Variants in CACNA2D4 observed in about 807,000 individuals in gnomAD.
CACNA2D4 encodes voltage-dependent calcium channel subunit alpha-2/delta-4.
Under a neutral mutation model 163.8 loss-of-function variants are expected in CACNA2D4, and 157 were observed. The observed-to-expected ratio is 0.96, with a 90% CI of 0.84 to 1.09. The LOEUF (loss-of-function observed/expected upper bound fraction) is 1.09, where lower values mean the gene tolerates loss of function less well. CACNA2D4 is among the 50% of genes least tolerant of loss of function. The pLI, the probability that CACNA2D4 is intolerant of heterozygous loss-of-function variation, is 0.00. For missense variants in CACNA2D4, 1,410 were observed against 1,479.9 expected (o/e 0.95, Z 0.78); for synonymous variants, 598 against 586.9 (o/e 1.02, Z -0.27).
chr12:1,826,530 C>T (rs1271623621), intron 26 of CACNA2D4, among the ~76,000 whole-genome samples: 3 of 152,074 alleles, frequency 2.0e-5, no homozygotes, highest in Non-Finnish European at 4.4e-5. Flanking sequence ...CGTGGGTCCT[C>T]CTGAAGGCTG....
In CACNA2D4 at chr12:1,810,956, G is replaced by T. The variant is rs1592661863; in HGVS notation, c.2614-369C>A. Among the ~76,000 whole-genome samples the T allele has an allele frequency of 2.0e-5, 3 of 152,334 alleles. No homozygotes were observed. In the South Asian group the frequency reaches 6.2e-4, roughly 32 times the overall value. On this transcript the variant is annotated intron_variant, in intron 27 of 37. Coordinates refer to ENST00000382722, the MANE Select transcript of CACNA2D4 (RefSeq NM_172364.5). ...CCAGGTAGCCCTTCTAGAGGTGCAG[G>T]CTCTGCAGCCCCCAGGCCTCGTTGC...
intron 37 of CACNA2D4, chr12:1,794,922 G>A (rs1038844842): frequency 1.9e-5 from 8 of 423,840 alleles, no homozygotes; most frequent in Non-Finnish European, 2.9e-5. Flanking sequence ...CTCTCATCCT[G>A]TCTAGGGCCC....
In CACNA2D4 at chr12:1,834,185, C is replaced by T. The variant is rs926574857; in HGVS notation, c.2551+6554G>A. Reference sequence around the variant, plus strand: ...GATAAAAACTACCTTCTGGGGCTTCCGTTTTGGGGAGCTGGGGATGGGGAG... The same window carrying T: ...GATAAAAACTACCTTCTGGGGCTTCTGTTTTGGGGAGCTGGGGATGGGGAG... On this transcript the variant is annotated intron_variant, in intron 26 of 37. Coordinates refer to ENST00000382722, the MANE Select transcript of CACNA2D4 (RefSeq NM_172364.5). This position sits in a 1 kb window ranked among gnomAD's most constrained non-coding sequence, Gnocchi z 7.6. 6.1e-6 allele frequency: 9 copies of T among 1,466,792 alleles called. No homozygotes were observed. The highest frequency in any genetic ancestry group is 1.4e-5 in the African/African-American group (1 of 70,706). 90.9% of individuals were successfully genotyped at this position (1,466,792 alleles called of 1,614,324 possible). A position where few individuals can be genotyped will look rare whatever the true frequency, so the allele number is the denominator to read the frequency against.
intron 27 of CACNA2D4, among the ~76,000 whole-genome samples, chr12:1,811,080 C>T (rs1237757098): frequency 6.6e-6 from 1 of 152,198 alleles, no homozygotes; most frequent in Non-Finnish European, 1.5e-5. Flanking sequence ...CCATCCCTCT[C>T]GATTCACTCT....
rs1382282137 is a variant in CACNA2D4, at chr12:1,907,946, G to C, written c.578C>G (p.Ala193Gly). 5 of 1,613,956 alleles carry C rather than the reference G, an allele frequency of 3.1e-6. No homozygotes were observed. Among genetic ancestry groups the C allele is most frequent in the African/African-American group, 1.3e-5 (1 of 74,958 alleles). ...LGAEFLLESN[A>G]HFSNLPVNTS... ...GTTCACCGGCAGGTTGCTGAAGTGA[G>C]CATTGGACTCCAGGAGGAACTCGGC... The change falls in exon 5 of 38, where the codon GCT becomes GGT. Residue 193 changes from alanine to glycine, a missense_variant. By Grantham distance (60) the Ala-to-Gly change is moderately conservative (BLOSUM62 0). Transcript: ENST00000382722.
intron 25 of CACNA2D4, 55 bp from the exon 26 acceptor site, chr12:1,840,874 G>C: frequency 1.4e-6 from 2 of 1,458,442 alleles, no homozygotes. Flanking sequence ...GGGGCAGGTG[G>C]AGCGCTACCA....
rs1274765987 is a variant in CACNA2D4 at position 1,834,068 on chromosome 12, G to A, written c.2551+6671C>T. Reference sequence around the variant, plus strand: ...GCGAGGATGAAATGGCACGATATACGTAACTCACTGTGGACTTGGCTCAAT... The same window carrying A: ...GCGAGGATGAAATGGCACGATATACATAACTCACTGTGGACTTGGCTCAAT... On this transcript the variant is annotated intron_variant, in intron 26 of 37. Coordinates refer to ENST00000382722, the MANE Select transcript of CACNA2D4 (RefSeq NM_172364.5). The surrounding 1 kb of genome is among the most constrained non-coding windows in gnomAD (Gnocchi z 7.6). 6.6e-6 allele frequency among the ~76,000 whole-genome samples: 1 copy of A among 152,208 alleles called. No homozygotes were observed. Among genetic ancestry groups the A allele is most frequent in the African/African-American group, 2.4e-5 (1 of 41,446 alleles).
At position 1,793,787 on chromosome 12, in the gene CACNA2D4, G is replaced by GC. The variant is rs763886088; in HGVS notation, c.3310-29dup. ...GCGAACGCAGAGCAGAGGTGACAGC[G>GC]CGGCGCTCAGAGGAGGACCCTCAAA... On this transcript the variant is annotated intron_variant, in intron 37 of 37. Coordinates refer to ENST00000382722, the MANE Select transcript of CACNA2D4 (RefSeq NM_172364.5). 6 of 1,589,904 alleles carry GC rather than the reference G, an allele frequency of 3.8e-6. No individual in the cohort carries two copies. In the South Asian group the frequency reaches 5.5e-5, roughly 15 times the overall value.
At chr12:1,853,503 C>T (rs898663342) in intron 23 of CACNA2D4, among the ~76,000 whole-genome samples, 1 of 152,044 alleles carries the variant, frequency 6.6e-6, no homozygotes, top group Non-Finnish European at 1.5e-5. Context: ...CCTTACTCTG[C>T]CCCCCAACAC....
intron 6 of CACNA2D4, among the ~76,000 whole-genome samples, chr12:1,895,695 G>A (rs948853374): frequency 1.3e-5 from 2 of 152,228 alleles, no homozygotes; most frequent in South Asian, 4.1e-4. Context: ...GTGCAATGGC[G>A]TGCAAGACTC....
At chr12:1,814,997 C>A (rs1294123166) in intron 26 of CACNA2D4, among the ~76,000 whole-genome samples, 1 of 152,250 alleles carries the variant, frequency 6.6e-6, no homozygotes, top group Non-Finnish European at 1.5e-5. Flanking sequence ...TCAAGTGATT[C>A]TCCTGCCTCG....
chr12:1,846,803 G>A (rs764215900), intron 23 of CACNA2D4, 114 bp from the exon 24 acceptor site: 2 of 832,842 alleles, frequency 2.4e-6, no homozygotes, highest in Non-Finnish European at 3.9e-6. Context: ...GCTCAGGGAA[G>A]ACTTTCCAGG....
At chr12:1,846,721 A>G in intron 23 of CACNA2D4, 32 bp from the exon 24 acceptor site, 1 of 1,549,598 alleles carries the variant, frequency 6.5e-7, no homozygotes, top group South Asian at 1.2e-5. Flanking sequence ...AATGGTCACC[A>G]CATGGCTGTG....
At chr12:1,795,419 G>T in intron 36 of CACNA2D4, 38 bp from the exon 37 acceptor site, 1 of 1,574,986 alleles carries the variant, frequency 6.3e-7, no homozygotes. Flanking sequence ...TCTCAGGACC[G>T]GAGCCCATTC....
chr12:1,821,585 G>A (rs1007915764), intron 26 of CACNA2D4, among the ~76,000 whole-genome samples: 3 of 152,158 alleles, frequency 2.0e-5, no homozygotes, highest in South Asian at 2.1e-4. Context: ...AAATGGGTCA[G>A]GGAGCCTTAG....
intron 26 of CACNA2D4, among the ~76,000 whole-genome samples, chr12:1,817,471 C>T (rs1863914824): frequency 1.3e-5 from 2 of 151,974 alleles, no homozygotes; most frequent in Non-Finnish European, 1.5e-5. Flanking sequence ...ACTCCCTCTC[C>T]CCTCTCCCCT....
chr12:1,851,159 A>G (rs796358991), intron 23 of CACNA2D4, among the ~76,000 whole-genome samples: 75 of 152,024 alleles, frequency 4.9e-4, no homozygotes, highest in African/African-American at 1.7e-3. Context: ...CTGGGACTAC[A>G]GGCACGAGCC....
Position 1,885,049 on chromosome 12 carries a change from T to C in CACNA2D4, c.1096A>G (p.Met366Val). ...TCCACGACCCCCACACCTTTGACCA[T>C]CAACTCCTCCACCAGCAGTTTGAAA... ...EHFKLLVEEL[M>V]VKGVGVVDQA... Residue 366 changes from methionine (M) to valine (V), a missense_variant, in exon 10 of 38, where the codon ATG (methionine) becomes GTG (valine). By Grantham distance (21) the Met-to-Val change is conservative. Coordinates refer to ENST00000382722, the MANE Select transcript of CACNA2D4 (RefSeq NM_172364.5). The C allele has an allele frequency of 6.2e-7, 1 of 1,613,906 alleles. No homozygotes were observed. The highest frequency in any genetic ancestry group is 2.2e-5 in the East Asian group (1 of 44,878).
intron 26 of CACNA2D4, among the ~76,000 whole-genome samples, chr12:1,837,197 G>A (rs997793614): frequency 2.6e-5 from 4 of 152,260 alleles, no homozygotes; most frequent in African/African-American, 9.6e-5. Context: ...GTGGCGAGAA[G>A]GCACTGTTTG....
Sources: allele counts gnomAD v4.1 joint callset (sites outside exome capture counted in the v4.1 genomes callset), GRCh38; gene constraint gnomAD v4.1.1; non-coding constraint Gnocchi (gnomAD v3.1); transcripts MANE v1.5; gene names NCBI Gene and HGNC (gene_info 2026-07-23, HGNC 2026-07-21).